Variants in PDE4D observed in about 807,000 individuals in gnomAD.
PDE4D encodes the protein phosphodiesterase 4D, also known as 3',5'-cyclic-AMP phosphodiesterase 4D.
In PDE4D, 24 loss-of-function variants were observed where a neutral mutation model predicts 87.4. The ratio of observed to expected loss-of-function variants is 0.27; its 90% CI spans 0.20 to 0.39. The LOEUF is 0.39. PDE4D is among the 10% of genes least tolerant of loss of function. The pLI, the probability that PDE4D is intolerant of heterozygous loss-of-function variation, is 1.00. For missense variants in PDE4D, 714 were observed against 1,041.0 expected (o/e 0.69, Z 4.32); for synonymous variants, 384 against 383.2 (o/e 1.00, Z -0.02).
rs1267897760 is a variant in PDE4D, at chr5:59,649,904, CCTTTTTTTTTTTT to C, written c.455+243251_455+243263del. Among the ~76,000 whole-genome samples the C allele has an allele frequency of 3.4e-4, 25 of 73,976 alleles. 6 individuals carry two copies. The East Asian group carries it at 6.9e-3, about 20-fold the overall frequency. 48.5% of individuals were successfully genotyped at this position (73,976 alleles called of 152,430 possible). On this transcript the variant is annotated intron_variant, in intron 1 of 14. Transcript: ENST00000340635. ...TGTTAAAATGTTGATAGTTTGTGAA[CCTTTTTTTTTTTT>C]TTTTTTTTTTTTTTTAGCAATGACC...
intron 3 of PDE4D, among the ~76,000 whole-genome samples, chr5:59,981,303 T>G (rs975255806): frequency 6.6e-6 from 1 of 152,012 alleles, no homozygotes; most frequent in African/African-American, 2.4e-5. Flanking sequence ...TTTACAAAGT[T>G]TAAGGCAAAG....
At chr5:60,200,327 A>G (rs1562211774) in intron 1 of PDE4D, among the ~76,000 whole-genome samples, 1 of 151,612 alleles carries the variant, frequency 6.6e-6, no homozygotes, top group Admixed American at 6.6e-5. Flanking sequence ...TCCTGCACCC[A>G]GAAGTTATTT....
chr5:59,290,702 A>G (rs1331585660), intron 1 of PDE4D, among the ~76,000 whole-genome samples: 1 of 152,130 alleles, frequency 6.6e-6, no homozygotes, highest in African/African-American at 2.4e-5. Context: ...GGGATTAATA[A>G]TCAGAATATA....
intron 1 of PDE4D, among the ~76,000 whole-genome samples, chr5:59,630,025 C>T (rs575299532): frequency 1.3e-5 from 2 of 151,990 alleles, no homozygotes; most frequent in African/African-American, 2.4e-5. Flanking sequence ...ATGTCTATAC[C>T]GTAGTTTCAG....
chr5:59,163,334 C>A (rs1382109050), intron 5 of PDE4D, among the ~76,000 whole-genome samples: 1 of 148,414 alleles, frequency 6.7e-6, no homozygotes, highest in Non-Finnish European at 1.5e-5. Context: ...TGCAATGGCG[C>A]GATCTCAGCT....
chr5:60,424,052 A>G (rs553816289), intron 1 of PDE4D, among the ~76,000 whole-genome samples: 43 of 152,336 alleles, frequency 2.8e-4, no homozygotes, highest in Non-Finnish European at 4.4e-4. Context: ...TTAATAGCCT[A>G]CCAACCAAAA....
chr5:59,578,680 T>A (rs1487960907), intron 1 of PDE4D, among the ~76,000 whole-genome samples: 1 of 152,252 alleles, frequency 6.6e-6, no homozygotes, highest in Non-Finnish European at 1.5e-5. Flanking sequence ...CTTTCTGAGA[T>A]GTGATCTTGA....
At chr5:60,509,826 T>G (rs1300741821) in intron 1 of PDE4D, among the ~76,000 whole-genome samples, 1 of 152,232 alleles carries the variant, frequency 6.6e-6, no homozygotes, top group Non-Finnish European at 1.5e-5. Flanking sequence ...AATTAGGTTA[T>G]ATTTATTAAC....
chr5:59,858,036 G>C (rs1489976625), intron 1 of PDE4D, among the ~76,000 whole-genome samples: 2 of 151,988 alleles, frequency 1.3e-5, no homozygotes, highest in South Asian at 2.1e-4. Flanking sequence ...GAGTAGGGAG[G>C]CATGCAGGCA....
chr5:59,354,399 T>C (rs1031181784), intron 1 of PDE4D, among the ~76,000 whole-genome samples: 7 of 152,162 alleles, frequency 4.6e-5, no homozygotes, highest in African/African-American at 1.7e-4. Flanking sequence ...TTACATCAAA[T>C]AGTTTAACAC....
intron 1 of PDE4D, among the ~76,000 whole-genome samples, chr5:60,399,694 A>C (rs1341611668): frequency 6.6e-6 from 1 of 152,246 alleles, no homozygotes; most frequent in Non-Finnish European, 1.5e-5. Flanking sequence ...AGCACCAAGC[A>C]ACCGTATCCA....
chr5:60,265,351 T>C (rs1583252363), intron 1 of PDE4D, among the ~76,000 whole-genome samples: 1 of 152,142 alleles, frequency 6.6e-6, no homozygotes, highest in South Asian at 2.1e-4. Flanking sequence ...ACTGGCTTGT[T>C]TGAATAATTC....
At chr5:59,560,256 T>C (rs1191317075) in intron 1 of PDE4D, among the ~76,000 whole-genome samples, 1 of 152,246 alleles carries the variant, frequency 6.6e-6, no homozygotes, top group Non-Finnish European at 1.5e-5. Flanking sequence ...GTGATAAAAC[T>C]GTAGGTAAAG....
intron 1 of PDE4D, among the ~76,000 whole-genome samples, chr5:59,772,886 C>T (rs1763717258): frequency 6.6e-6 from 1 of 152,040 alleles, no homozygotes; most frequent in Non-Finnish European, 1.5e-5. Flanking sequence ...ATTTTGAACC[C>T]CAGAAGTACT....
intron 1 of PDE4D, among the ~76,000 whole-genome samples, chr5:59,874,038 T>C (rs551888465): frequency 6.6e-6 from 1 of 152,228 alleles, no homozygotes; most frequent in South Asian, 2.1e-4. Flanking sequence ...GGTGATACCT[T>C]GTCTCTACAG....
rs113176616 is a variant in PDE4D at position 59,252,215 on chromosome 5, A to G, written c.456-36247T>C. ...AACCTGTGAAATGTTTACATATTTC[A>G]TATTTGACTGTGGACAAACTGCTAC... is the stretch of plus-strand genomic sequence containing the variant. On this transcript the variant is annotated intron_variant, in intron 1 of 14. Transcript: ENST00000340635. Among the ~76,000 whole-genome samples, 6 of 152,308 alleles carry G rather than the reference A, an allele frequency of 3.9e-5. 1 individual carries two copies. Among genetic ancestry groups the G allele is most frequent in the African/African-American group, 1.4e-4 (6 of 41,582 alleles).
At chr5:60,128,175 CAGTAAAGATG>C (rs1388990629) in intron 2 of PDE4D, among the ~76,000 whole-genome samples, 5 of 152,118 alleles carry the variant, frequency 3.3e-5, no homozygotes, top group Admixed American at 1.3e-4. Flanking sequence ...AACCCTAAGT[CAGTAAAGATG>C]ATCTTGGGAT....
At chr5:59,512,409 G>A (rs1167624371) in intron 1 of PDE4D, among the ~76,000 whole-genome samples, 2 of 152,096 alleles carry the variant, frequency 1.3e-5, no homozygotes, top group Non-Finnish European at 2.9e-5. Flanking sequence ...AGGAGTCATG[G>A]AGCTCCATAT....
intron 6 of PDE4D, among the ~76,000 whole-genome samples, chr5:59,006,783 G>A (rs576017173): frequency 1.3e-5 from 2 of 152,128 alleles, no homozygotes; most frequent in Non-Finnish European, 2.9e-5. Context: ...TGATGGAGCT[G>A]AACTGCTGAT....
Sources: allele counts gnomAD v4.1 joint callset (sites outside exome capture counted in the v4.1 genomes callset), GRCh38; gene constraint gnomAD v4.1.1; transcripts MANE v1.5; gene names NCBI Gene and HGNC (gene_info 2026-07-23, HGNC 2026-07-21).